The following PLD3 variants were observed in gnomAD, a reference collection of about 807,000 sequenced individuals.
PLD3 encodes phospholipase D family member 3, also known as 5'-3' exonuclease PLD3.
Under a neutral mutation model 58.4 loss-of-function variants are expected in PLD3, and 31 were observed. That is an observed-to-expected ratio of 0.53 (90% CI 0.40 to 0.72). PLD3 has a LOEUF of 0.72. PLD3 is among the 30% of genes least tolerant of loss of function. PLD3 has a pLI of 0.00. For synonymous variants in PLD3, 264 were observed against 273.4 expected (o/e 0.97, Z 0.34); for missense variants, 595 against 659.8 (o/e 0.90, Z 1.08).
At chr19:40,364,744 C>T (rs953322537) in intron 1 of PLD3, among the ~76,000 whole-genome samples, 1 of 148,858 alleles carries the variant, frequency 6.7e-6, no homozygotes, top group African/African-American at 2.5e-5. Flanking sequence ...TGCAGTGAGC[C>T]GAGATGGCGC....
chr19:40,378,227 C>CA lies in PLD3; in HGVS notation c.*54_*55insA. ...TGCTGGGCCCCCGCGGACCCAGGTG[C>CA]TCTGGGTCACGGTCCCTGTCCCCGC... On this transcript the variant is annotated 3_prime_UTR_variant, in exon 13 of 13. Transcript: ENST00000409735. 7.3e-6 allele frequency: 11 copies of CA among 1,512,156 alleles called. No homozygotes were observed. The highest frequency in any genetic ancestry group is 1.4e-5 in the African/African-American group (1 of 73,226). The allele number at this position is 1,512,156 out of a possible 1,614,324, so 93.7% of individuals were successfully genotyped here.
chr19:40,353,261 CTT>C (rs1304980917), intron 1 of PLD3, among the ~76,000 whole-genome samples: 1 of 152,100 alleles, frequency 6.6e-6, no homozygotes, highest in Admixed American at 6.6e-5. Context: ...GAAACACTGT[CTT>C]TACAAAAAAT....
Position 40,377,805 on chromosome 19 carries a change from C to T in PLD3, c.1205C>T (p.Ala402Val). 1.9e-6 allele frequency: 3 copies of T among 1,613,498 alleles called. No individual in the cohort carries two copies. Among genetic ancestry groups the T allele is most frequent in the Non-Finnish European group, 2.5e-6 (3 of 1,179,694 alleles). The change falls in exon 12 of 13, where the codon GCG (alanine) becomes GTG (valine). Residue 402 changes from alanine to valine, a missense_variant. Physicochemically the swap from Ala to Val is moderately conservative, Grantham distance 64. Coordinates refer to ENST00000409735, the MANE Select transcript of PLD3 (RefSeq NM_012268.4). ...DIQVKLFVVP[A>V]DEAQARIPYA... ...ACTCAGAAACTCTTTGTGGTCCCCG[C>T]GGATGAGGCCCAGGCTCGAATCCCA...
At chr19:40,358,644 C>T (rs1313500580) in intron 1 of PLD3, 1 of 152,542 alleles carries the variant, frequency 6.6e-6, no homozygotes, top group African/African-American at 2.4e-5. Flanking sequence ...ATCCTCCCGC[C>T]TTGGCCTCCC....
At chr19:40,369,798 TAA>T in intron 6 of PLD3, 108 bp from the exon 7 acceptor site, 1 of 997,024 alleles carries the variant, frequency 1.0e-6, no homozygotes, top group African/African-American at 1.6e-5. Context: ...CAGGCTAATG[TAA>T]AGTCTGTTTA....
At chr19:40,369,780 A>T in intron 6 of PLD3, 128 bp from the exon 7 acceptor site, 1 of 797,440 alleles carries the variant, frequency 1.3e-6, no homozygotes, top group Non-Finnish European at 1.9e-6. Flanking sequence ...TAAAGTCTTT[A>T]ATCTATGCAG....
chr19:40,374,392 C>T (rs2079140340), intron 9 of PLD3, 89 bp from the exon 10 acceptor site: 1 of 1,414,296 alleles, frequency 7.1e-7, no homozygotes, highest in Non-Finnish European at 9.8e-7. Flanking sequence ...ATCCACAGTA[C>T]CTGGCTTGTG....
At chr19:40,376,393 T>C (rs2079201945) in intron 10 of PLD3, 1 of 499,282 alleles carries the variant, frequency 2.0e-6, no homozygotes, top group South Asian at 3.2e-5. Flanking sequence ...ATGACAACAC[T>C]GGGTTTTGGG....
At chr19:40,360,822 G>A (rs575830647) in intron 1 of PLD3, among the ~76,000 whole-genome samples, 1 of 152,248 alleles carries the variant, frequency 6.6e-6, no homozygotes, top group East Asian at 1.9e-4. Context: ...GTTGTGATTG[G>A]ATTTAGGGCC....
chr19:40,351,226 G>A (rs1568643595), intron 1 of PLD3, among the ~76,000 whole-genome samples: 1 of 141,134 alleles, frequency 7.1e-6, no homozygotes, highest in Non-Finnish European at 1.6e-5. Flanking sequence ...CGGAGACCCT[G>A]TCTCAAAACA....
chr19:40,376,557 G>A (rs1021182659), intron 10 of PLD3, 52 bp from the exon 11 acceptor site: 3 of 1,562,558 alleles, frequency 1.9e-6, no homozygotes, highest in African/African-American at 1.3e-5. Context: ...CAAAGCCTGT[G>A]GACACAGCCG....
chr19:40,360,649 A>C (rs2078759444), intron 1 of PLD3: 1 of 151,476 alleles, frequency 6.6e-6, no homozygotes, highest in Non-Finnish European at 1.5e-5. Flanking sequence ...TCCAAACTCA[A>C]GGTGTAGCAG....
Position 40,371,804 on chromosome 19 carries a change from C to T in PLD3, c.810C>T (p.Asp270=), listed in dbSNP as rs1182039269. The change falls in exon 9 of 13, where the codon GAC becomes GAT. Residue 270 remains aspartate, a synonymous_variant. Transcript: ENST00000409735. ...CATCAACTTGGCCCCGGTTCTATGA[C>T]ACCCGCTACAACCAAGAGACACCAA... ...SIPSTWPRFY[D]TRYNQETPME... The T allele has an allele frequency of 2.5e-6, 4 of 1,614,016 alleles. No homozygotes were observed. The highest frequency in any genetic ancestry group is 2.5e-6 in the Non-Finnish European group (3 of 1,180,016).
intron 6 of PLD3, among the ~76,000 whole-genome samples, chr19:40,368,213 CAG>C (rs1181980123): frequency 6.6e-6 from 1 of 152,152 alleles, no homozygotes; most frequent in African/African-American, 2.4e-5. Flanking sequence ...AGCCTCAAGA[CAG>C]GGGCCACCTC....
chr19:40,376,579 C>T (rs3745200), intron 10 of PLD3, 30 bp from the exon 11 acceptor site: 1 of 1,596,024 alleles, frequency 6.3e-7, no homozygotes, highest in Non-Finnish European at 8.5e-7. Flanking sequence ...CCTCTGCATC[C>T]TGCCCCACCT....
intron 1 of PLD3, among the ~76,000 whole-genome samples, chr19:40,355,166 A>G (rs1350975475): frequency 6.6e-6 from 1 of 151,984 alleles, no homozygotes; most frequent in Non-Finnish European, 1.5e-5. Flanking sequence ...CTGGGACATA[A>G]GCCTTTGGCA....
At position 40,378,213 on chromosome 19, in the gene PLD3, C is replaced by G; in HGVS notation, c.*40C>G. 1.9e-6 allele frequency: 3 copies of G among 1,579,614 alleles called. No individual in the cohort carries two copies. Among genetic ancestry groups the G allele is most frequent in the South Asian group, 1.1e-5 (1 of 89,326 alleles). ...GGCAGGCCAAGGCCTGCTGGGCCCC[C>G]GCGGACCCAGGTGCTCTGGGTCACG... On this transcript the variant is annotated 3_prime_UTR_variant, in exon 13 of 13. Transcript: ENST00000409735.
intron 1 of PLD3, among the ~76,000 whole-genome samples, chr19:40,363,341 GAT>G (rs2078833383): frequency 6.9e-6 from 1 of 144,296 alleles, no homozygotes; most frequent in African/African-American, 2.7e-5. Flanking sequence ...CTCTAAGACT[GAT>G]GTTATCTTCT....
At chr19:40,369,593 C>T (rs565581201) in intron 6 of PLD3, among the ~76,000 whole-genome samples, 5 of 152,276 alleles carry the variant, frequency 3.3e-5, no homozygotes, top group African/African-American at 1.2e-4. Context: ...GCCTGAGCCT[C>T]GCCCCCACCA....
Sources: allele counts gnomAD v4.1 joint callset (sites outside exome capture counted in the v4.1 genomes callset), GRCh38; gene constraint gnomAD v4.1.1; transcripts MANE v1.5; gene names NCBI Gene and HGNC (gene_info 2026-07-23, HGNC 2026-07-21).